The following MTFR2 variants were observed in gnomAD, a reference collection of about 807,000 sequenced individuals.
The protein encoded by MTFR2 is DUF729 domain-containing protein 1.
In MTFR2, 44 loss-of-function variants were observed where a neutral mutation model predicts 41.2. The observed-to-expected ratio is 1.07, with a 90% CI of 0.84 to 1.37. The LOEUF is 1.37. Among genes scored for constraint, MTFR2 ranks in the 40% most tolerant of loss-of-function variants. The pLI, the probability that MTFR2 is intolerant of heterozygous loss-of-function variation, is 0.00. For synonymous variants in MTFR2, 141 were observed against 154.6 expected, an observed-to-expected ratio of 0.91 and a Z score of 0.65; for missense variants, 452 against 459.5, an observed-to-expected ratio of 0.98 and a Z score of 0.15.
In MTFR2 at chr6:136,231,058, C is replaced by T; in HGVS notation, c.*217G>A. ...GTTCAAAAAGAATGTTTATTTTAAG[C>T]TCTATGTACAGAAGAACAGAGTATA... On this transcript the variant is annotated 3_prime_UTR_variant, in exon 8 of 8. Transcript: ENST00000420702. 1 of 405,882 alleles carries T rather than the reference C, an allele frequency of 2.5e-6. No homozygotes were observed. The highest frequency in any genetic ancestry group is 4.4e-6 in the Non-Finnish European group (1 of 228,678). The allele number at this position is 405,882 out of a possible 1,614,324, so 25.1% of individuals were successfully genotyped here.
intron 5 of MTFR2, among the ~76,000 whole-genome samples, chr6:136,240,204 A>G (rs1396950902): frequency 2.6e-5 from 4 of 152,232 alleles, no homozygotes; most frequent in Non-Finnish European, 4.4e-5. Context: ...GTATAATGAC[A>G]TTGGAGAAAT....
chr6:136,231,885 C>T (rs1285241101), intron 7 of MTFR2, among the ~76,000 whole-genome samples: 3 of 151,950 alleles, frequency 2.0e-5, no homozygotes, highest in African/African-American at 7.3e-5. Flanking sequence ...TTTAAGAAAC[C>T]AAGTTCTAGT....
intron 7 of MTFR2, 187 bp downstream of exon 7, chr6:136,233,138 A>T (rs78201570): frequency 0.022 from 10,243 of 458,614 alleles, 878 homozygotes; most frequent in African/African-American, 0.18. Context: ...AGCTCATGAT[A>T]GGCTAAAAGT....
chr6:136,248,918 T>G, intron 2 of MTFR2, 119 bp downstream of exon 2: 3 of 804,712 alleles, frequency 3.7e-6, no homozygotes. Context: ...CTCACCTTTG[T>G]TCCAACTAAA....
intron 3 of MTFR2, among the ~76,000 whole-genome samples, chr6:136,243,311 T>C (rs1395485838): frequency 6.6e-6 from 1 of 152,200 alleles, no homozygotes; most frequent in Admixed American, 6.5e-5. Context: ...TGCATATACA[T>C]GGGGTCACAT....
chr6:136,241,458 T>C lies in MTFR2; in HGVS notation c.500A>G (p.Asn167Ser). ...CTGTTACTTACTAGAATTTGTACTA[T>C]TTTTCAGTTCCTGCATTTCCACAAT... The part of the protein sequence containing the change: ...AAIVEMQELK[N>S]STNSSSFGLS... Residue 167 changes from asparagine (N) to serine (S), a missense_variant, in exon 5 of 8, where the codon AAT becomes AGT. Coordinates refer to ENST00000420702, the MANE Select transcript of MTFR2 (RefSeq NM_001099286.3). 1 of 1,612,742 alleles carries C rather than the reference T, an allele frequency of 6.2e-7. No individual in the cohort carries two copies. The highest frequency in any genetic ancestry group is 1.1e-5 in the South Asian group (1 of 90,828).
chr6:136,247,269 T>C (rs1449830073), intron 2 of MTFR2, among the ~76,000 whole-genome samples: 2 of 152,130 alleles, frequency 1.3e-5, no homozygotes, highest in African/African-American at 4.8e-5. Flanking sequence ...GAGAATCACT[T>C]GAACCTCGGA....
chr6:136,240,839 C>A (rs941499341), intron 5 of MTFR2, among the ~76,000 whole-genome samples: 4 of 152,192 alleles, frequency 2.6e-5, no homozygotes, highest in Non-Finnish European at 5.9e-5. Context: ...CGCCTGTAAT[C>A]CCAGCACTTT....
intron 6 of MTFR2, among the ~76,000 whole-genome samples, chr6:136,235,213 G>A (rs900430050): frequency 2.2e-5 from 3 of 137,438 alleles, no homozygotes; most frequent in East Asian, 2.0e-4. Context: ...TTAAGCAACC[G>A]GGTGATCGTG....
chr6:136,232,750 C>T (rs1779796166), intron 7 of MTFR2, among the ~76,000 whole-genome samples: 1 of 152,294 alleles, frequency 6.6e-6, no homozygotes, highest in East Asian at 1.9e-4. Context: ...ATTAGAATTA[C>T]TTCTAAATTT....
At chr6:136,235,196 C>T (rs944611680) in intron 6 of MTFR2, among the ~76,000 whole-genome samples, 1 of 151,094 alleles carries the variant, frequency 6.6e-6, no homozygotes, top group African/African-American at 2.5e-5. Context: ...GGCCTGATTC[C>T]TAGATCTTAA....
At chr6:136,246,769 C>T (rs1198299938) in intron 2 of MTFR2, among the ~76,000 whole-genome samples, 1 of 152,162 alleles carries the variant, frequency 6.6e-6, no homozygotes, top group Non-Finnish European at 1.5e-5. Flanking sequence ...GAATACACTA[C>T]TGTAATTACT....
chr6:136,239,932 G>T, intron 5 of MTFR2, 112 bp from the exon 6 acceptor site: 1 of 782,926 alleles, frequency 1.3e-6, no homozygotes, highest in Non-Finnish European at 2.0e-6. Flanking sequence ...TGCTAGTAGC[G>T]ATATGGTAGC....
chr6:136,243,219 C>T (rs1160562357), intron 3 of MTFR2, among the ~76,000 whole-genome samples: 1 of 152,136 alleles, frequency 6.6e-6, no homozygotes, highest in African/African-American at 2.4e-5. Context: ...TAAAATTAAG[C>T]TCTTCAGTTA....
At chr6:136,243,517 G>A (rs1323492066) in intron 3 of MTFR2, among the ~76,000 whole-genome samples, 1 of 151,992 alleles carries the variant, frequency 6.6e-6, no homozygotes, top group Non-Finnish European at 1.5e-5. Context: ...GATCAGCCAG[G>A]GCAACATAGC....
intron 7 of MTFR2, among the ~76,000 whole-genome samples, chr6:136,232,251 C>T (rs1446356669): frequency 6.6e-6 from 1 of 151,924 alleles, no homozygotes; most frequent in Non-Finnish European, 1.5e-5. Flanking sequence ...CTGTTACACT[C>T]TTTTTCTTTT....
intron 4 of MTFR2, among the ~76,000 whole-genome samples, chr6:136,242,123 C>T (rs924795962): frequency 1.3e-5 from 2 of 151,220 alleles, no homozygotes; most frequent in African/African-American, 4.9e-5. Context: ...CTCTCTATCC[C>T]CCATGATTGT....
rs757733905 is a variant in MTFR2 at position 136,239,767 on chromosome 6, G to A, written c.568C>T (p.Arg190Trp). Residue 190 changes from arginine to tryptophan, a missense_variant, in exon 6 of 8, where the codon CGG becomes TGG. Arg to Trp is a moderately radical substitution (Grantham distance 101). Coordinates refer to ENST00000420702, the MANE Select transcript of MTFR2 (RefSeq NM_001099286.3). ...GGGTCCACACTCAGATGGGCAGCCC[G>A]CGATGATGACAGCTGACCCAAACTA... ...RISLGQLSSS[R>W]AAHLSVDPDQ... The A allele has an allele frequency of 1.4e-5, 23 of 1,613,860 alleles. No homozygotes were observed. Among genetic ancestry groups the A allele is most frequent in the East Asian group, 6.7e-5 (3 of 44,884 alleles).
Position 136,233,499 on chromosome 6 carries a change from C to G in MTFR2, c.870G>C (p.Arg290=). The change falls in exon 7 of 8, where the codon CGG becomes CGC. Residue 290 remains arginine, a splice_region_variant and synonymous_variant. Transcript: ENST00000420702. ...TATGAATGGGTCTACCGCCAGGTGA[C>G]CTATTTTTTAAAAAAAAAAATTGAA... The part of the protein sequence containing the change: ...MNKVKLRAIE[R]SPGGRPIHKR... 1 of 1,468,556 alleles carries G rather than the reference C, an allele frequency of 6.8e-7. No homozygotes were observed. Among genetic ancestry groups the G allele is most frequent in the Non-Finnish European group, 9.1e-7 (1 of 1,101,534 alleles). 91.0% of individuals were successfully genotyped at this position (1,468,556 alleles called of 1,614,324 possible).
Sources: allele counts gnomAD v4.1 joint callset (sites outside exome capture counted in the v4.1 genomes callset), GRCh38; gene constraint gnomAD v4.1.1; transcripts MANE v1.5; gene names NCBI Gene and HGNC (gene_info 2026-07-23, HGNC 2026-07-21).